Variants in KMT2C observed in about 807,000 individuals in gnomAD.
KMT2C encodes the protein histone-lysine N-methyltransferase 2C.
In KMT2C, 88 loss-of-function variants were observed where a neutral mutation model predicts 507.9. The ratio of observed to expected loss-of-function variants is 0.17; its 90% confidence interval spans 0.15 to 0.21. KMT2C has a LOEUF of 0.21. KMT2C is among the 10% of genes least tolerant of loss of function. The pLI is 1.00. For synonymous variants in KMT2C, 2,049 were observed against 2,080.8 expected (o/e 0.98, Z 0.42); for missense variants, 4,954 against 5,957.8 (o/e 0.83, Z 5.55).
intron 6 of KMT2C, among the ~76,000 whole-genome samples, chr7:152,295,681 GA>G (rs1183017574): frequency 6.6e-6 from 1 of 152,098 alleles, no homozygotes; most frequent in African/African-American, 2.4e-5. Context: ...GCTCTAAGCA[GA>G]AACATGCTTC....
At chr7:152,324,655 T>C (rs1250762312) in intron 3 of KMT2C, among the ~76,000 whole-genome samples, 1 of 151,966 alleles carries the variant, frequency 6.6e-6, no homozygotes, top group Non-Finnish European at 1.5e-5. Context: ...AATGACTTCA[T>C]TTTCTAGAAG....
rs369593556 is a variant in KMT2C, at chr7:152,151,556, A to G, written c.12552T>C (p.Ser4184=). The change falls in exon 50 of 59, where the codon AGT becomes AGC. Residue 4184 remains serine (S), a synonymous_variant. Transcript: ENST00000262189. The stretch of plus-strand genomic sequence containing the variant: ...GTGCTGCGCTTTCTGCAATACCATG[A>G]CTAGAATCCTTATATCCAGAAAGAC... ...SNGLSGYKDS[S]HGIAESAALR... The G allele has an allele frequency of 9.2e-5, 148 of 1,613,954 alleles. No homozygotes were observed. In the Middle Eastern group the frequency reaches 1.3e-3, roughly 14 times the overall value.
intron 6 of KMT2C, among the ~76,000 whole-genome samples, chr7:152,281,807 T>C (rs2096218002): frequency 6.6e-6 from 1 of 152,176 alleles, no homozygotes; most frequent in Non-Finnish European, 1.5e-5. Context: ...ATATTACTAT[T>C]TTTCATTTTA....
intron 1 of KMT2C, among the ~76,000 whole-genome samples, chr7:152,433,254 A>T (rs922841431): frequency 6.6e-6 from 1 of 152,242 alleles, no homozygotes; most frequent in Admixed American, 6.5e-5. Context: ...TTAGCAAAGA[A>T]GATTAATTTT....
chr7:152,398,575 C>T (rs931973206), intron 1 of KMT2C, among the ~76,000 whole-genome samples: 4 of 151,334 alleles, frequency 2.6e-5, no homozygotes, highest in Admixed American at 1.3e-4. Context: ...AGATAAGAGG[C>T]TCACTCTGTC....
intron 14 of KMT2C, among the ~76,000 whole-genome samples, chr7:152,246,526 C>CA (rs1259865019): frequency 2.0e-5 from 3 of 151,846 alleles, no homozygotes; most frequent in Non-Finnish European, 4.4e-5. Context: ...CAAAAGTCTA[C>CA]AAGGAAGGAG....
chr7:152,352,007 G>A (rs567311538), intron 2 of KMT2C, among the ~76,000 whole-genome samples: 145 of 152,316 alleles, frequency 9.5e-4, no homozygotes, highest in Admixed American at 1.1e-3. Context: ...AACTCTGACC[G>A]CTGGTGAGCC....
intron 3 of KMT2C, among the ~76,000 whole-genome samples, chr7:152,320,878 A>G (rs769406581): frequency 6.6e-6 from 1 of 152,048 alleles, no homozygotes; most frequent in Non-Finnish European, 1.5e-5. Flanking sequence ...GACCAACATC[A>G]TGCAGGCAAC....
chr7:152,433,142 C>T (rs2097880621), intron 1 of KMT2C, among the ~76,000 whole-genome samples: 1 of 147,474 alleles, frequency 6.8e-6, no homozygotes, highest in South Asian at 2.1e-4. Flanking sequence ...AGCAAGACTT[C>T]GTCCAGAAAA....
intron 1 of KMT2C, among the ~76,000 whole-genome samples, chr7:152,386,124 A>G (rs917205154): frequency 1.3e-5 from 2 of 151,400 alleles, no homozygotes; most frequent in Non-Finnish European, 2.9e-5. Context: ...AAATAAAAGC[A>G]CAGACCCTAC....
At chr7:152,223,320 G>C (rs1168303486) in intron 20 of KMT2C, among the ~76,000 whole-genome samples, 1 of 152,008 alleles carries the variant, frequency 6.6e-6, no homozygotes, top group Non-Finnish European at 1.5e-5. Flanking sequence ...CTAATATCTA[G>C]ATATCTAGTA....
In KMT2C at chr7:152,337,573, A is replaced by G. The variant is rs147286151; in HGVS notation, c.251-6834T>C. Among the ~76,000 whole-genome samples the G allele has an allele frequency of 2.7e-3, 410 of 152,294 alleles. 14 individuals carry two copies. In the East Asian group the frequency reaches 0.057, roughly 21 times the overall value. ...GTTAAAACCAAAGGCTTGGAATCCAATGGTTCCGAGTCTGCATTCTAGCTC... is the reference window on the plus strand; with the variant it reads ...GTTAAAACCAAAGGCTTGGAATCCAGTGGTTCCGAGTCTGCATTCTAGCTC... On this transcript the variant is annotated intron_variant, in intron 2 of 58. Coordinates refer to ENST00000262189, the MANE Select transcript of KMT2C (RefSeq NM_170606.3).
chr7:152,318,291 T>A (rs193019736), intron 3 of KMT2C, among the ~76,000 whole-genome samples: 123 of 151,836 alleles, frequency 8.1e-4, no homozygotes, highest in Non-Finnish European at 1.4e-3. Context: ...TTTTTGAGAT[T>A]AGATTAAAAT....
intron 39 of KMT2C, among the ~76,000 whole-genome samples, chr7:152,171,991 T>C (rs1352189607): frequency 1.3e-5 from 2 of 152,262 alleles, no homozygotes; most frequent in Non-Finnish European, 2.9e-5. Context: ...GAAGCATTAC[T>C]GCTTACATGA....
intron 6 of KMT2C, among the ~76,000 whole-genome samples, chr7:152,307,180 G>A (rs559411124): frequency 6.4e-5 from 9 of 141,076 alleles, no homozygotes; most frequent in African/African-American, 2.1e-4. Flanking sequence ...GAAGAGGAAG[G>A]AAGGAAAGAA....
intron 1 of KMT2C, among the ~76,000 whole-genome samples, chr7:152,386,509 C>T (rs34053137): frequency 0.026 from 3,832 of 145,718 alleles, no homozygotes; most frequent in African/African-American, 0.065. Flanking sequence ...CATTTCCCAG[C>T]TTCCCTTTCA....
At chr7:152,256,569 GC>G (rs2095665528) in intron 9 of KMT2C, among the ~76,000 whole-genome samples, 2 of 151,246 alleles carry the variant, frequency 1.3e-5, no homozygotes, top group Non-Finnish European at 2.9e-5. Context: ...ACACAAATAA[GC>G]AAAAAAAACA....
chr7:152,399,666 A>G (rs181349090), intron 1 of KMT2C, among the ~76,000 whole-genome samples: 325 of 152,256 alleles, frequency 2.1e-3, no homozygotes, highest in African/African-American at 7.5e-3. Flanking sequence ...AAAGCCTACA[A>G]TATAAATGAG....
intron 7 of KMT2C, among the ~76,000 whole-genome samples, chr7:152,271,229 T>C (rs1236276283): frequency 2.6e-5 from 4 of 152,116 alleles, no homozygotes; most frequent in South Asian, 2.1e-4. Context: ...ACAATTAGGA[T>C]AGGAAAAAAT....
Sources: allele counts gnomAD v4.1 joint callset (sites outside exome capture counted in the v4.1 genomes callset), GRCh38; gene constraint gnomAD v4.1.1; transcripts MANE v1.5; gene names NCBI Gene and HGNC (gene_info 2026-07-23, HGNC 2026-07-21).